Variants in AUTS2 observed in about 807,000 individuals in gnomAD.
AUTS2 encodes the protein activator of transcription and developmental regulator AUTS2, also known as autism susceptibility gene 2 protein.
A neutral mutation model predicts 112.4 loss-of-function variants in AUTS2; 17 were observed. That is an observed-to-expected ratio of 0.15 (90% CI 0.10 to 0.23). The LOEUF (loss-of-function observed/expected upper bound fraction) is 0.23. Ranked by LOEUF, AUTS2 falls within the 10% of genes least tolerant of loss-of-function variation. The pLI, the probability that AUTS2 is intolerant of heterozygous loss-of-function variation, is 1.00. For synonymous variants in AUTS2, 751 were observed against 702.7 expected, an observed-to-expected ratio of 1.07 and a Z score of -1.09; for missense variants, 1,510 against 1,701.6, an observed-to-expected ratio of 0.89 and a Z score of 1.98.
intron 6 of AUTS2, among the ~76,000 whole-genome samples, chr7:70,726,321 TTGAA>T (rs1210745858): frequency 6.6e-6 from 1 of 150,428 alleles, no homozygotes; most frequent in Non-Finnish European, 1.5e-5. Context: ...ATACATATAT[TTGAA>T]TGAGAAATGG....
chr7:70,117,117 G>GTTTTTTTTTTTTTTT (rs60488343), intron 2 of AUTS2, among the ~76,000 whole-genome samples: 2 of 73,096 alleles, frequency 2.7e-5, no homozygotes, highest in African/African-American at 5.8e-5. Context: ...TTTTTTTTTT[G>GTTTTTTTTTTTTTTT]TTTTTTTTTG....
At chr7:70,162,213 G>A (rs1027764142) in intron 4 of AUTS2, among the ~76,000 whole-genome samples, 21 of 151,776 alleles carry the variant, frequency 1.4e-4, no homozygotes, top group African/African-American at 3.6e-4. Context: ...TTGGGAGGCC[G>A]AGGCGGGCGG....
At chr7:70,635,917 A>C (rs1484871825) in intron 5 of AUTS2, among the ~76,000 whole-genome samples, 1 of 152,200 alleles carries the variant, frequency 6.6e-6, no homozygotes, top group Non-Finnish European at 1.5e-5. Context: ...TCTGGAAATG[A>C]CATCCAAGAG....
intron 4 of AUTS2, among the ~76,000 whole-genome samples, chr7:70,411,925 T>C (rs1012191883): frequency 2.7e-5 from 4 of 150,436 alleles, no homozygotes; most frequent in African/African-American, 4.9e-5. Context: ...TTTTTCTTTT[T>C]TTTTTTTTTT....
intron 5 of AUTS2, among the ~76,000 whole-genome samples, chr7:70,608,415 C>T (rs762432788): frequency 2.6e-5 from 4 of 152,124 alleles, no homozygotes; most frequent in African/African-American, 7.2e-5. Context: ...CAATCTTTGA[C>T]GGTTTGACAG....
At chr7:70,785,857 G>A (rs994148730) in intron 16 of AUTS2, 98 bp from the exon 17 acceptor site, 2 of 1,124,266 alleles carry the variant, frequency 1.8e-6, no homozygotes, top group Non-Finnish European at 2.7e-6. Context: ...GGGGCGTAGA[G>A]AGGGCAGGGA....
rs1794140793 is a variant in AUTS2, at chr7:70,397,514, GC to G, written c.661-38235del. ...GGTAAACTTTCTATATAAATCTTTT[GC>G]CCATTTTTAACTTAAATTCTTTGTT... On this transcript the variant is annotated intron_variant, in intron 4 of 18. Coordinates refer to ENST00000342771, the MANE Select transcript of AUTS2 (RefSeq NM_015570.4). Among the ~76,000 whole-genome samples, 6 of 151,608 alleles carry G rather than the reference GC, an allele frequency of 4.0e-5. No individual in the cohort carries two copies. In the South Asian group the frequency reaches 1.2e-3, roughly 31 times the overall value.
intron 4 of AUTS2, among the ~76,000 whole-genome samples, chr7:70,235,643 TTTTTC>T (rs1244165516): frequency 6.6e-6 from 1 of 152,056 alleles, no homozygotes; most frequent in Non-Finnish European, 1.5e-5. Flanking sequence ...GTGTTTTTCT[TTTTTC>T]TTTTCTTTTC....
At chr7:70,136,893 A>G (rs1164481112) in intron 4 of AUTS2, among the ~76,000 whole-genome samples, 1 of 152,216 alleles carries the variant, frequency 6.6e-6, no homozygotes, top group Non-Finnish European at 1.5e-5. Context: ...TTTTGTCAAC[A>G]GAGGTAAGAT....
At chr7:70,568,180 C>G (rs1801784669) in intron 5 of AUTS2, among the ~76,000 whole-genome samples, 1 of 152,170 alleles carries the variant, frequency 6.6e-6, no homozygotes, top group South Asian at 2.1e-4. Flanking sequence ...TGTTCACTTT[C>G]TAATATAGTG....
chr7:70,644,701 C>T (rs559204206), intron 5 of AUTS2, among the ~76,000 whole-genome samples: 2 of 152,270 alleles, frequency 1.3e-5, no homozygotes, highest in South Asian at 4.1e-4. Context: ...CTTCCATTTC[C>T]ACCTCCTCCA....
chr7:70,285,417 ACCCATTTGTCTT>A (rs535758506), intron 4 of AUTS2, among the ~76,000 whole-genome samples: 1 of 152,264 alleles, frequency 6.6e-6, no homozygotes, highest in African/African-American at 2.4e-5. Flanking sequence ...TACAGTGGAA[ACCCATTTGTCTT>A]TGGAGTTAGC....
chr7:70,506,765 C>T (rs2116710023), intron 5 of AUTS2, among the ~76,000 whole-genome samples: 1 of 152,342 alleles, frequency 6.6e-6, no homozygotes, highest in East Asian at 1.9e-4. Flanking sequence ...GTCTAACAGG[C>T]AGGCTCTGTT....
intron 4 of AUTS2, chr7:70,290,275 C>A: frequency 8.1e-7 from 1 of 1,231,096 alleles, no homozygotes. Flanking sequence ...AACAAATTAC[C>A]AATGATGTAA....
chr7:70,525,694 C>G (rs201965130), intron 5 of AUTS2, among the ~76,000 whole-genome samples: 3 of 152,220 alleles, frequency 2.0e-5, no homozygotes, highest in Admixed American at 6.5e-5. Flanking sequence ...TTGGCAGGAC[C>G]AAAACTGAGC....
chr7:69,915,718 A>G (rs1447956877), intron 2 of AUTS2, among the ~76,000 whole-genome samples: 1 of 152,122 alleles, frequency 6.6e-6, no homozygotes, highest in Non-Finnish European at 1.5e-5. Flanking sequence ...ATTTGAATAG[A>G]AATTTTTATT....
intron 5 of AUTS2, among the ~76,000 whole-genome samples, chr7:70,678,854 G>T (rs1377897756): frequency 6.6e-6 from 1 of 152,176 alleles, no homozygotes; most frequent in Non-Finnish European, 1.5e-5. Flanking sequence ...GAAGGCAGAA[G>T]AGAGGCCCAA....
chr7:70,727,941 G>A (rs1031476732), intron 6 of AUTS2, among the ~76,000 whole-genome samples: 2 of 152,198 alleles, frequency 1.3e-5, no homozygotes, highest in African/African-American at 4.8e-5. Context: ...TGATTGTTCA[G>A]ATTCTTCTAT....
intron 1 of AUTS2, among the ~76,000 whole-genome samples, chr7:69,845,309 C>A (rs778192458): frequency 6.6e-6 from 1 of 152,176 alleles, no homozygotes; most frequent in Non-Finnish European, 1.5e-5. Flanking sequence ...ATTGACCAGA[C>A]TTGGGTCACA....
Sources: allele counts gnomAD v4.1 joint callset (sites outside exome capture counted in the v4.1 genomes callset), GRCh38; gene constraint gnomAD v4.1.1; transcripts MANE v1.5; gene names NCBI Gene and HGNC (gene_info 2026-07-23, HGNC 2026-07-21).